VRK2: variants seen among roughly 807,000 people sequenced by gnomAD.
VRK2 encodes VRK serine/threonine kinase 2.
Under a neutral mutation model 57.6 loss-of-function variants are expected in VRK2, and 60 were observed. That is an observed-to-expected ratio of 1.04 (90% CI 0.85 to 1.29). The LOEUF is 1.29. VRK2 is among the 50% of genes most tolerant of loss of function. VRK2 has a pLI of 0.00. For missense variants in VRK2, 705 were observed against 588.1 expected (o/e 1.20, Z -2.06); for synonymous variants, 231 against 199.2 (o/e 1.16, Z -1.35).
Position 58,084,894 on chromosome 2 carries a change from A to G in VRK2, c.200A>G (p.Asn67Ser). The change falls in exon 4 of 13, where the codon AAT becomes AGT. Residue 67 changes from asparagine to serine, a missense_variant. Coordinates refer to ENST00000340157, the MANE Select transcript of VRK2 (RefSeq NM_006296.7). ...TTTTTTTTATAGGAATATCAAGAAAATGGCCCGTTATTTTCAGAACTTAAA... is the reference window on the plus strand; with the variant it reads ...TTTTTTTTATAGGAATATCAAGAAAGTGGCCCGTTATTTTCAGAACTTAAA... ...RHVVKVEYQE[N>S]GPLFSELKFY... is the part of the protein sequence containing the mutation. 3.2e-6 allele frequency: 5 copies of G among 1,578,762 alleles called. No individual in the cohort carries two copies. Among genetic ancestry groups the G allele is most frequent in the Non-Finnish European group, 4.3e-6 (5 of 1,163,060 alleles).
intron 11 of VRK2, among the ~76,000 whole-genome samples, chr2:58,142,324 G>A (rs895377363): frequency 7.1e-6 from 1 of 141,610 alleles, no homozygotes; most frequent in Non-Finnish European, 1.6e-5. Context: ...AAAAGAAAAA[G>A]TTTTTTTTTT....
chr2:58,151,806 G>GT (rs1683122822), intron 12 of VRK2, among the ~76,000 whole-genome samples: 2 of 113,712 alleles, frequency 1.8e-5, no homozygotes, highest in East Asian at 2.8e-4. Context: ...CAGCTCCATA[G>GT]CCTATGGGCC....
At chr2:58,149,979 A>G (rs1263153130) in intron 12 of VRK2, among the ~76,000 whole-genome samples, 2 of 142,506 alleles carry the variant, frequency 1.4e-5, no homozygotes, top group African/African-American at 5.2e-5. Context: ...ACTGGTCTGT[A>G]ATTTTCTTTT....
intron 12 of VRK2, among the ~76,000 whole-genome samples, chr2:58,158,329 TATTTAACTCTAAAGTGAGTC>T (rs1684319360): frequency 6.6e-6 from 1 of 152,204 alleles, no homozygotes; most frequent in Non-Finnish European, 1.5e-5. Context: ...TAAAATGAGT[TATTTAACTCTAAAGTGAGTC>T]ATTTAACTCT....
intron 2 of VRK2, among the ~76,000 whole-genome samples, chr2:58,069,643 T>A (rs572939820): frequency 3.6e-4 from 55 of 152,144 alleles, no homozygotes; most frequent in African/African-American, 1.1e-3. Context: ...TCCTTGAGAG[T>A]TTCAGATCTC....
intron 7 of VRK2, among the ~76,000 whole-genome samples, chr2:58,096,525 G>A (rs1673155896): frequency 6.6e-6 from 1 of 151,744 alleles, no homozygotes; most frequent in Admixed American, 6.6e-5. Context: ...GGTCTGCATT[G>A]TAGTTTTTTA....
chr2:57,951,098 A>T (rs758277040), intron 1 of VRK2, among the ~76,000 whole-genome samples: 17 of 152,162 alleles, frequency 1.1e-4, no homozygotes, highest in African/African-American at 1.7e-4. Context: ...CTCAAAAAAA[A>T]AATAATAAAT....
intron 1 of VRK2, among the ~76,000 whole-genome samples, chr2:57,912,123 C>CAAAT (rs1479821969): frequency 6.6e-6 from 1 of 152,066 alleles, no homozygotes; most frequent in Non-Finnish European, 1.5e-5. Context: ...AAATGCACAG[C>CAAAT]AAATAGTTTC....
intron 1 of VRK2, among the ~76,000 whole-genome samples, chr2:57,916,585 A>T (rs1471347595): frequency 6.6e-6 from 1 of 152,044 alleles, no homozygotes. Context: ...TTTTTCATGT[A>T]TGATATTGGT....
intron 1 of VRK2, among the ~76,000 whole-genome samples, chr2:57,950,803 T>C (rs1671403421): frequency 6.6e-6 from 1 of 152,140 alleles, no homozygotes; most frequent in Non-Finnish European, 1.5e-5. Context: ...TTAAGAACAT[T>C]GGTGATCTGG....
At chr2:58,082,560 A>G (rs1671038540) in intron 2 of VRK2, among the ~76,000 whole-genome samples, 2 of 151,816 alleles carry the variant, frequency 1.3e-5, no homozygotes, top group Admixed American at 1.3e-4. Context: ...GGTGGGAACA[A>G]AGGTTTTCTC....
At chr2:58,146,722 G>A (rs1274546163) in intron 12 of VRK2, among the ~76,000 whole-genome samples, 2 of 151,870 alleles carry the variant, frequency 1.3e-5, no homozygotes, top group African/African-American at 4.8e-5. Flanking sequence ...ATGTAATGAA[G>A]TGCACTTAAA....
At chr2:58,031,115 T>C (rs1205093182) in intron 2 of VRK2, among the ~76,000 whole-genome samples, 3 of 152,088 alleles carry the variant, frequency 2.0e-5, no homozygotes, top group Non-Finnish European at 2.9e-5. Context: ...TATGATAACA[T>C]ACTTGTTACT....
At chr2:58,054,556 CT>C (rs1676237708) in intron 2 of VRK2, among the ~76,000 whole-genome samples, 1 of 151,728 alleles carries the variant, frequency 6.6e-6, no homozygotes, top group Non-Finnish European at 1.5e-5. Context: ...AGGTTTTTTT[CT>C]TTAGATAAGG....
chr2:57,968,531 A>C (rs1671991000), intron 1 of VRK2, among the ~76,000 whole-genome samples: 2 of 152,160 alleles, frequency 1.3e-5, no homozygotes, highest in African/African-American at 4.8e-5. Context: ...AAACATTTGT[A>C]GTACCTTGAA....
chr2:58,082,108 T>C (rs1050293545), intron 2 of VRK2, among the ~76,000 whole-genome samples: 4 of 151,844 alleles, frequency 2.6e-5, no homozygotes, highest in African/African-American at 9.7e-5. Context: ...TGGAAGCTTA[T>C]AGAGAATATT....
chr2:57,918,734 T>A (rs977402930), intron 1 of VRK2, among the ~76,000 whole-genome samples: 1 of 152,116 alleles, frequency 6.6e-6, no homozygotes. Flanking sequence ...AAAACTCACT[T>A]CTACTTTTTA....
chr2:57,976,426 T>C (rs922177796), intron 1 of VRK2, among the ~76,000 whole-genome samples: 5 of 152,142 alleles, frequency 3.3e-5, no homozygotes, highest in Non-Finnish European at 7.4e-5. Flanking sequence ...CATCTGAATG[T>C]CTGTTATTTC....
intron 1 of VRK2, among the ~76,000 whole-genome samples, chr2:57,963,360 C>G (rs1430784306): frequency 6.6e-6 from 1 of 152,128 alleles, no homozygotes; most frequent in African/African-American, 2.4e-5. Context: ...TGTATTTAGG[C>G]AATAGTACTT....
Sources: gnomAD v4.1 joint callset for allele counts (sites outside exome capture counted in the v4.1 genomes callset) on GRCh38, gnomAD v4.1.1 for gene constraint, MANE v1.5 for transcripts, NCBI Gene and HGNC (gene_info 2026-07-23, HGNC 2026-07-21) for gene names.